Variants in PIGN observed in about 807,000 individuals in gnomAD.
The protein encoded by PIGN is phosphatidylinositol glycan anchor biosynthesis class N.
PIGN carries 117 observed loss-of-function variants against 125.4 expected under a neutral mutation model. The ratio of observed to expected loss-of-function variants is 0.93; its 90% CI spans 0.80 to 1.09. The LOEUF is 1.09. PIGN is among the 50% of genes least tolerant of loss of function. PIGN has a pLI of 0.00. For missense variants in PIGN, 1,075 were observed against 1,094.9 expected, an observed-to-expected ratio of 0.98 and a Z score of 0.26; for synonymous variants, 392 against 377.8, an observed-to-expected ratio of 1.04 and a Z score of -0.44.
chr18:62,134,121 G>A (rs2035839507), intron 14 of PIGN, among the ~76,000 whole-genome samples: 1 of 152,084 alleles, frequency 6.6e-6, no homozygotes, highest in African/African-American at 2.4e-5. Context: ...AAGGCTGGGC[G>A]TGGTGGCTCA....
intron 23 of PIGN, among the ~76,000 whole-genome samples, chr18:62,027,929 GAAAGA>G (rs371338074): frequency 9.2e-5 from 14 of 151,976 alleles, no homozygotes; most frequent in South Asian, 2.1e-4. Context: ...AAAAAAGAAA[GAAAGA>G]AAAGAAAAGA....
chr18:62,083,235 T>C (rs1019424616), intron 27 of PIGN, among the ~76,000 whole-genome samples: 1 of 152,118 alleles, frequency 6.6e-6, no homozygotes, highest in Admixed American at 6.5e-5. Context: ...TTTATGATTA[T>C]AAAATTCACA....
chr18:62,089,347 A>G (rs1436132316), intron 24 of PIGN, among the ~76,000 whole-genome samples: 4 of 152,156 alleles, frequency 2.6e-5, no homozygotes, highest in Admixed American at 6.5e-5. Flanking sequence ...AAGCCACTCA[A>G]TCCAACAAGG....
intron 1 of PIGN, among the ~76,000 whole-genome samples, chr18:62,180,562 T>G (rs2037681166): frequency 6.6e-6 from 1 of 152,174 alleles, no homozygotes; most frequent in African/African-American, 2.4e-5. Context: ...TGGCATCCTG[T>G]TATTTGAATA....
chr18:62,173,970 C>G (rs1007165594), intron 1 of PIGN, among the ~76,000 whole-genome samples: 2 of 152,162 alleles, frequency 1.3e-5, no homozygotes, highest in African/African-American at 4.8e-5. Context: ...AATCTCAGCA[C>G]TTTGGGAGGC....
At chr18:62,088,919 G>T in intron 24 of PIGN, 77 bp from the exon 25 acceptor site, 2 of 783,618 alleles carry the variant, frequency 2.6e-6, no homozygotes, top group Non-Finnish European at 4.3e-6. Flanking sequence ...ACTTACAATG[G>T]CTAAGTTACA....
At chr18:62,113,077 G>A in intron 16 of PIGN, 57 bp downstream of exon 16, 1 of 1,298,686 alleles carries the variant, frequency 7.7e-7, no homozygotes, top group East Asian at 2.5e-5. Flanking sequence ...CATTACACTG[G>A]ATTCAGTACT....
At chr18:62,064,304 T>C (rs12456133) in intron 30 of PIGN, among the ~76,000 whole-genome samples, 45,811 of 152,020 alleles carry the variant, frequency 0.3, 8,051 homozygotes, top group East Asian at 0.58. Flanking sequence ...TTAAGAGTCA[T>C]ACACTTCCAG....
chr18:62,146,073 C>T (rs1411701202), intron 9 of PIGN, 48 bp from the exon 10 acceptor site: 1 of 774,176 alleles, frequency 1.3e-6, no homozygotes, highest in Admixed American at 2.8e-5. Flanking sequence ...GAAGAACTAA[C>T]TTACAACTAA....
chr18:62,059,198 A>C (rs1458414413), intron 30 of PIGN: 3 of 146,300 alleles, frequency 2.1e-5, no homozygotes, highest in South Asian at 2.2e-4. Context: ...AAAAAAAAAA[A>C]CACTGGATAT....
intron 30 of PIGN, among the ~76,000 whole-genome samples, chr18:62,048,416 A>G (rs993874097): frequency 6.6e-6 from 1 of 152,186 alleles, no homozygotes; most frequent in Admixed American, 6.5e-5. Flanking sequence ...AACTAAAAAC[A>G]AAGAAAAGAA....
intron 14 of PIGN, chr18:62,137,861 T>C (rs1418091070): frequency 5.8e-6 from 1 of 172,490 alleles, no homozygotes; most frequent in African/African-American, 2.4e-5. Context: ...CATTCATCTT[T>C]GTCTCCTGAA....
downstream of PIGN, among the ~76,000 whole-genome samples, chr18:62,036,235 T>A (rs1294664633): frequency 6.6e-6 from 1 of 151,796 alleles, no homozygotes; most frequent in African/African-American, 2.4e-5. Flanking sequence ...TCTTTTTAAT[T>A]GTTGTTGTTG....
chr18:62,158,341 T>C (rs2036815593), intron 4 of PIGN, among the ~76,000 whole-genome samples: 1 of 152,192 alleles, frequency 6.6e-6, no homozygotes, highest in Non-Finnish European at 1.5e-5. Context: ...GTTAAAATTG[T>C]CATACTAGGT....
intron 5 of PIGN, 63 bp from the exon 6 acceptor site, chr18:62,157,290 T>C (rs2036773469): frequency 1.3e-6 from 1 of 793,192 alleles, no homozygotes; most frequent in Admixed American, 2.4e-5. Flanking sequence ...CCTAAAGAAC[T>C]ATTCTTCAAA....
intron 23 of PIGN, among the ~76,000 whole-genome samples, chr18:62,091,482 A>G (rs1211762100): frequency 6.6e-6 from 1 of 152,240 alleles, no homozygotes. Flanking sequence ...ATAATGCAAT[A>G]AGGCCATTTC....
intron 23 of PIGN, among the ~76,000 whole-genome samples, chr18:62,092,221 C>A (rs1389845877): frequency 1.3e-5 from 2 of 151,992 alleles, no homozygotes; most frequent in African/African-American, 4.8e-5. Flanking sequence ...CAAAGCAGTG[C>A]CACTTTTGAC....
intron 30 of PIGN, among the ~76,000 whole-genome samples, chr18:62,070,945 A>G (rs2032810144): frequency 6.6e-6 from 1 of 152,122 alleles, no homozygotes; most frequent in Non-Finnish European, 1.5e-5. Flanking sequence ...AGCTGAGACT[A>G]CAGGCATGGG....
chr18:62,070,329 T>A (rs2032770607), intron 30 of PIGN: 1 of 397,924 alleles, frequency 2.5e-6, no homozygotes, highest in African/African-American at 2.1e-5. Flanking sequence ...TTCCCTAAAC[T>A]TTCAAGTATA....
Sources: gnomAD v4.1 joint callset for allele counts (sites outside exome capture counted in the v4.1 genomes callset) on GRCh38, gnomAD v4.1.1 for gene constraint, MANE v1.5 for transcripts, NCBI Gene and HGNC (gene_info 2026-07-23, HGNC 2026-07-21) for gene names.